Variants in TMEM132C observed in about 807,000 individuals in gnomAD.
The protein encoded by TMEM132C is protein phosphatase 1, regulatory subunit 152.
A neutral mutation model predicts 61.4 loss-of-function variants in TMEM132C; 29 were observed. That is an observed-to-expected ratio of 0.47 (90% CI 0.35 to 0.64). TMEM132C has a LOEUF of 0.64. Among genes scored for constraint, TMEM132C ranks in the 30% least tolerant of loss-of-function variants. The pLI, the probability that TMEM132C is intolerant of heterozygous loss-of-function variation, is 0.00. For missense variants in TMEM132C, 1,408 were observed against 1,476.9 expected (o/e 0.95, Z 0.76); for synonymous variants, 656 against 633.1 (o/e 1.04, Z -0.54).
Position 128,543,861 on chromosome 12 carries a change from A to G in TMEM132C, c.975-96A>G, listed in dbSNP as rs1873849560. 5.5e-6 allele frequency: 8 copies of G among 1,455,958 alleles called. No individual in the cohort carries two copies. In the East Asian group the frequency reaches 1.9e-4, roughly 35 times the overall value. 90.2% of individuals were successfully genotyped at this position (1,455,958 alleles called of 1,614,324 possible). A position where few individuals can be genotyped will look rare whatever the true frequency, so the allele number is the denominator to read the frequency against. ...GATATGAAAAAAGTGGAAAAGCAAA[A>G]CAGAAACTAAAGGTGACAACTCTGC... On this transcript the variant is annotated intron_variant, in intron 2 of 8. Transcript: ENST00000435159.
At chr12:128,409,227 G>A (rs565471252) in intron 1 of TMEM132C, among the ~76,000 whole-genome samples, 1 of 152,142 alleles carries the variant, frequency 6.6e-6, no homozygotes, top group Non-Finnish European at 1.5e-5. Flanking sequence ...CAAATAGCAA[G>A]GAGGTTGCTT....
intron 2 of TMEM132C, among the ~76,000 whole-genome samples, chr12:128,464,075 G>A (rs1174778298): frequency 6.6e-6 from 1 of 152,166 alleles, no homozygotes; most frequent in Non-Finnish European, 1.5e-5. Flanking sequence ...TTGGCCAACA[G>A]TGTCCCCAAG....
intron 1 of TMEM132C, among the ~76,000 whole-genome samples, chr12:128,393,223 C>G (rs893798959): frequency 3.3e-5 from 5 of 152,172 alleles, no homozygotes; most frequent in African/African-American, 4.8e-5. Flanking sequence ...CCTGAAATTG[C>G]CCCCCTTGCT....
intron 1 of TMEM132C, among the ~76,000 whole-genome samples, chr12:128,297,257 T>C (rs1871442707): frequency 6.6e-6 from 1 of 152,190 alleles, no homozygotes; most frequent in Admixed American, 6.5e-5. Context: ...TCTGGTTAAT[T>C]TTCTGTGCTG....
chr12:128,473,922 A>G (rs560514478), intron 2 of TMEM132C, among the ~76,000 whole-genome samples: 1 of 152,344 alleles, frequency 6.6e-6, no homozygotes, highest in Admixed American at 6.5e-5. Flanking sequence ...GACAGTTTCC[A>G]GGATGTTGAA....
At chr12:128,297,026 C>T (rs1871434957) in intron 1 of TMEM132C, among the ~76,000 whole-genome samples, 1 of 152,142 alleles carries the variant, frequency 6.6e-6, no homozygotes, top group African/African-American at 2.4e-5. Context: ...GTAGGAAATA[C>T]AGCTGTAATT....
chr12:128,495,609 T>C (rs1871919859), intron 2 of TMEM132C, among the ~76,000 whole-genome samples: 1 of 152,232 alleles, frequency 6.6e-6, no homozygotes, highest in Non-Finnish European at 1.5e-5. Flanking sequence ...TCTCTTTTGA[T>C]CTTTGTTGGT....
At chr12:128,428,471 T>C (rs1477474249) in intron 2 of TMEM132C, among the ~76,000 whole-genome samples, 1 of 152,160 alleles carries the variant, frequency 6.6e-6, no homozygotes, top group African/African-American at 2.4e-5. Context: ...TCAGATTGAG[T>C]TGTCTCAGCT....
In TMEM132C at chr12:128,547,690, C is replaced by T. The variant is rs117574902; in HGVS notation, c.1121+3587C>T. 2.1e-3 allele frequency among the ~76,000 whole-genome samples: 313 copies of T among 152,300 alleles called. 4 individuals carry two copies. Among genetic ancestry groups the T allele is most frequent in the Middle Eastern group, 0.01 (3 of 294 alleles). ...GGCCACATCCCCGTGTTGGCCACAT[C>T]CCCTGGCTGGTAAGACAGGGAACCT... On this transcript the variant is annotated intron_variant, in intron 3 of 8. Transcript: ENST00000435159.
At chr12:128,504,133 C>T (rs1334813212) in intron 2 of TMEM132C, among the ~76,000 whole-genome samples, 2 of 152,108 alleles carry the variant, frequency 1.3e-5, no homozygotes, top group African/African-American at 4.8e-5. Context: ...GCATGGTGGT[C>T]TCAGGACAGC....
At chr12:128,607,881 T>C (rs1456575219) in intron 3 of TMEM132C, among the ~76,000 whole-genome samples, 2 of 152,148 alleles carry the variant, frequency 1.3e-5, no homozygotes, top group Non-Finnish European at 1.5e-5. Flanking sequence ...AGTAAATAAT[T>C]AAGTGTGAGA....
chr12:128,516,308 G>A (rs1181294103), intron 2 of TMEM132C, among the ~76,000 whole-genome samples: 1 of 152,202 alleles, frequency 6.6e-6, no homozygotes, highest in Non-Finnish European at 1.5e-5. Flanking sequence ...GGGACAATTG[G>A]TGTGAGCACG....
At chr12:128,526,910 G>A (rs778622592) in intron 2 of TMEM132C, among the ~76,000 whole-genome samples, 4 of 152,176 alleles carry the variant, frequency 2.6e-5, no homozygotes, top group Non-Finnish European at 5.9e-5. Context: ...ACAGCATGGG[G>A]AACAGATCAT....
At chr12:128,479,374 AAG>A (rs995454552) in intron 2 of TMEM132C, among the ~76,000 whole-genome samples, 3 of 152,208 alleles carry the variant, frequency 2.0e-5, no homozygotes, top group Non-Finnish European at 4.4e-5. Context: ...AAGGAAAAAA[AAG>A]AGTAGGGGTT....
chr12:128,587,281 G>A (rs189452575), intron 3 of TMEM132C, among the ~76,000 whole-genome samples: 1 of 152,346 alleles, frequency 6.6e-6, no homozygotes. Flanking sequence ...AGGCTGGGAA[G>A]TTCAAGAGCA....
chr12:128,458,343 T>C (rs1035990894), intron 2 of TMEM132C, among the ~76,000 whole-genome samples: 8 of 149,656 alleles, frequency 5.3e-5, no homozygotes, highest in African/African-American at 1.2e-4. Flanking sequence ...TAGTATATAT[T>C]ATAAACACTG....
intron 1 of TMEM132C, among the ~76,000 whole-genome samples, chr12:128,365,004 A>G (rs1873818238): frequency 6.6e-6 from 1 of 152,146 alleles, no homozygotes; most frequent in South Asian, 2.1e-4. Context: ...TGGATCATTT[A>G]TGTTGCGGGT....
intron 3 of TMEM132C, among the ~76,000 whole-genome samples, chr12:128,579,824 T>A (rs1875261164): frequency 6.6e-6 from 1 of 152,174 alleles, no homozygotes; most frequent in Non-Finnish European, 1.5e-5. Context: ...TGAGCCAGGA[T>A]AAATGTCTTG....
At chr12:128,659,116 G>A (rs1043898337) in intron 4 of TMEM132C, among the ~76,000 whole-genome samples, 2 of 152,210 alleles carry the variant, frequency 1.3e-5, no homozygotes, top group Non-Finnish European at 2.9e-5. Flanking sequence ...TAAAGGGCTA[G>A]ATAGTAAATA....
Sources: gnomAD v4.1 joint callset for allele counts (sites outside exome capture counted in the v4.1 genomes callset) on GRCh38, gnomAD v4.1.1 for gene constraint, MANE v1.5 for transcripts, NCBI Gene and HGNC (gene_info 2026-07-23, HGNC 2026-07-21) for gene names.